SLC25A16: variants seen among roughly 807,000 people sequenced by gnomAD.
SLC25A16 encodes the protein solute carrier family 25 member 16, also known as mitochondrial coenzyme A transporter SLC25A16.
SLC25A16 carries 39 observed loss-of-function variants against 41.5 expected under a neutral mutation model. The ratio of observed to expected loss-of-function variants is 0.94; its 90% CI spans 0.73 to 1.23. The LOEUF is 1.23. Ranked by LOEUF, SLC25A16 falls within the 50% of genes most tolerant of loss-of-function variation. The pLI, the probability that SLC25A16 is intolerant of heterozygous loss-of-function variation, is 0.00. For missense variants in SLC25A16, 421 were observed against 426.9 expected, an observed-to-expected ratio of 0.99 and a Z score of 0.12; for synonymous variants, 146 against 147.8, an observed-to-expected ratio of 0.99 and a Z score of 0.09.
intron 3 of SLC25A16, among the ~76,000 whole-genome samples, chr10:68,504,356 GA>G (rs1165892947): frequency 6.6e-6 from 1 of 151,078 alleles, no homozygotes; most frequent in Middle Eastern, 3.2e-3. Context: ...TATAGACAAT[GA>G]AGTCCTGATA....
chr10:68,520,586 C>G (rs1246875060), intron 1 of SLC25A16, among the ~76,000 whole-genome samples: 1 of 151,926 alleles, frequency 6.6e-6, no homozygotes, highest in Non-Finnish European at 1.5e-5. Flanking sequence ...CCGAGGCAGG[C>G]AGATCACCTG....
chr10:68,524,317 A>AC (rs1348161651), intron 1 of SLC25A16, among the ~76,000 whole-genome samples: 4 of 141,416 alleles, frequency 2.8e-5, no homozygotes, highest in African/African-American at 7.9e-5. Flanking sequence ...TCTCAAAAAA[A>AC]AAAAAAAAAA....
chr10:68,497,882 C>T (rs2052776912), intron 4 of SLC25A16, among the ~76,000 whole-genome samples: 1 of 151,864 alleles, frequency 6.6e-6, no homozygotes, highest in Non-Finnish European at 1.5e-5. Context: ...TCCCAAAATG[C>T]TAGGATTACC....
In SLC25A16 at chr10:68,480,854, G is replaced by A. The variant is rs148393530; in HGVS notation, c.*2578C>T. The A allele has an allele frequency of 1.5e-4, 23 of 151,030 alleles. No individual in the cohort carries two copies. Among genetic ancestry groups the A allele is most frequent in the African/African-American group, 5.6e-4 (23 of 41,130 alleles). The allele number at this position is 151,030 out of a possible 1,614,324, so 9.4% of individuals were successfully genotyped here. ...CATTTAATAACAATAATTAGCTACA[G>A]TGTGGTCTAGAAATGAAAATATACA... On this transcript the variant is annotated 3_prime_UTR_variant, in exon 9 of 9. Coordinates refer to ENST00000609923, the MANE Select transcript of SLC25A16 (RefSeq NM_152707.4).
In SLC25A16 at chr10:68,506,629, G is replaced by A; in HGVS notation, c.313C>T (p.Pro105Ser). 6.2e-7 allele frequency: 1 copy of A among 1,604,736 alleles called. No homozygotes were observed. Among genetic ancestry groups the A allele is most frequent in the South Asian group, 1.1e-5 (1 of 89,370 alleles). Residue 105 changes from proline to serine, a missense_variant, in exon 3 of 9, where the codon CCC becomes TCC. Physicochemically the swap from Pro to Ser is moderately conservative, Grantham distance 74. Coordinates refer to ENST00000609923, the MANE Select transcript of SLC25A16 (RefSeq NM_152707.4). ...GCCATAAACTGGATTGCACCATAGGGAAAGATTCGAATCATCATTGCACCA... is the reference window on the plus strand; with the variant it reads ...GCCATAAACTGGATTGCACCATAGGAAAAGATTCGAATCATCATTGCACCA... Reference protein sequence around the residue: ...GNGAMMIRIFPYGAIQFMAFE... With the variant: ...GNGAMMIRIFSYGAIQFMAFE...
Position 68,525,430 on chromosome 10 carries a change from C to T in SLC25A16, c.130+1816G>A, listed in dbSNP as rs529692804. Among the ~76,000 whole-genome samples the T allele has an allele frequency of 1.2e-3, 182 of 152,226 alleles. 1 individual carries two copies. Among genetic ancestry groups the T allele is most frequent in the Admixed American group, 6.2e-3 (94 of 15,274 alleles). ...GGATTACAGGCGTGAGCCACCCTGC[C>T]CAGCGAATTTTTATTGTTTGTTTTT... is the stretch of plus-strand genomic sequence containing the variant. On this transcript the variant is annotated intron_variant, in intron 1 of 8. Transcript: ENST00000609923.
chr10:68,481,563 G>C lies in SLC25A16; in HGVS notation c.*1869C>G, dbSNP rs1256076478. On this transcript the variant is annotated 3_prime_UTR_variant, in exon 9 of 9. Coordinates refer to ENST00000609923, the MANE Select transcript of SLC25A16 (RefSeq NM_152707.4). ...TATCCTCCCGCCTCAGCCTCCCAAA[G>C]TGCTAGGGTTACAGGCAAGAGCCAC... The C allele has an allele frequency of 2.0e-5, 3 of 152,094 alleles. No homozygotes were observed. The highest frequency in any genetic ancestry group is 4.4e-5 in the Non-Finnish European group (3 of 68,060). The allele number at this position is 152,094 out of a possible 1,614,324, so 9.4% of individuals were successfully genotyped here.
In SLC25A16 at chr10:68,527,284, C is replaced by G. The variant is rs771745123; in HGVS notation, c.92G>C (p.Arg31Pro). 2 of 1,548,234 alleles carry G rather than the reference C, an allele frequency of 1.3e-6. No homozygotes were observed. The highest frequency in any genetic ancestry group is 2.4e-5 in the South Asian group (2 of 84,052). ...QAAGAGGPTT[R>P]RDFYWLRSFL... Reference sequence around the variant, plus strand: ...GGAGCGCAGCCAGTAGAAGTCTCTGCGGGTTGTGGGCCCTCCGGCCCCTGC... The same window carrying G: ...GGAGCGCAGCCAGTAGAAGTCTCTGGGGGTTGTGGGCCCTCCGGCCCCTGC... The change falls in exon 1 of 9, where the codon CGC becomes CCC. Residue 31 changes from arginine (R) to proline (P), a missense_variant. Transcript: ENST00000609923.
chr10:68,523,376 AACCAGTGC>A (rs1293951890), intron 1 of SLC25A16, among the ~76,000 whole-genome samples: 2 of 152,166 alleles, frequency 1.3e-5, no homozygotes, highest in Non-Finnish European at 2.9e-5. Context: ...TAGAGGCCTG[AACCAGTGC>A]ACCCGGCCAT....
intron 8 of SLC25A16, among the ~76,000 whole-genome samples, chr10:68,486,240 A>AAAAAAAAAAAAAAAC (rs1564908736): frequency 8.2e-5 from 12 of 146,728 alleles, no homozygotes; most frequent in African/African-American, 3.2e-4. Flanking sequence ...ACAAAAAAAA[A>AAAAAAAAAAAAAAAC]AAAAAAACAC....
chr10:68,490,119 A>AAAG, intron 6 of SLC25A16, among the ~76,000 whole-genome samples: 1 of 151,998 alleles, frequency 6.6e-6, no homozygotes, highest in Non-Finnish European at 1.5e-5. Context: ...TAAAGGAGGT[A>AAAG]GATGCAGTGT....
intron 2 of SLC25A16, among the ~76,000 whole-genome samples, chr10:68,513,534 G>A (rs1482579124): frequency 6.6e-6 from 1 of 151,922 alleles, no homozygotes; most frequent in Non-Finnish European, 1.5e-5. Flanking sequence ...AAATGCAGTT[G>A]GAAAAATAAC....
Position 68,488,714 on chromosome 10 carries a change from T to G in SLC25A16, c.611-85A>C. ...CACCATTCTTAAATAATAAACACAT[T>G]TCCTAATTTCTGGTGTTTGGCTTAA... On this transcript the variant is annotated intron_variant, in intron 6 of 8. Coordinates refer to ENST00000609923, the MANE Select transcript of SLC25A16 (RefSeq NM_152707.4). 7.3e-6 allele frequency: 8 copies of G among 1,089,780 alleles called. No homozygotes were observed. In the South Asian group the frequency reaches 1.2e-4, roughly 16 times the overall value. The allele number at this position is 1,089,780 out of a possible 1,614,324, so 67.5% of individuals were successfully genotyped here. A position where few individuals can be genotyped will look rare whatever the true frequency, so the allele number is the denominator to read the frequency against.
At chr10:68,495,627 C>T (rs547620047) in intron 4 of SLC25A16, among the ~76,000 whole-genome samples, 1 of 151,126 alleles carries the variant, frequency 6.6e-6, no homozygotes, top group Non-Finnish European at 1.5e-5. Context: ...CTACTAAAAA[C>T]ACAAAAATTA....
At chr10:68,523,770 T>A (rs1356594213) in intron 1 of SLC25A16, among the ~76,000 whole-genome samples, 1 of 152,020 alleles carries the variant, frequency 6.6e-6, no homozygotes, top group African/African-American at 2.4e-5. Context: ...ACACCTCACC[T>A]AGCCTAAATG....
rs1335471823 is a variant in SLC25A16 at position 68,493,622 on chromosome 10, A to G, written c.422-52T>C. 3 of 1,362,120 alleles carry G rather than the reference A, an allele frequency of 2.2e-6. No homozygotes were observed. The South Asian group carries it at 3.5e-5, about 16-fold the overall frequency. 84.4% of individuals were successfully genotyped at this position (1,362,120 alleles called of 1,614,324 possible). ...TACAATGAATTTTTGATATATACAT[A>G]TATTCCCCTATCATTAGTATTATTC... On this transcript the variant is annotated intron_variant, in intron 4 of 8. Coordinates refer to ENST00000609923, the MANE Select transcript of SLC25A16 (RefSeq NM_152707.4).
At chr10:68,520,534 A>G (rs1451415874) in intron 1 of SLC25A16, among the ~76,000 whole-genome samples, 1 of 151,928 alleles carries the variant, frequency 6.6e-6, no homozygotes, top group Non-Finnish European at 1.5e-5. Flanking sequence ...AAATTAGGCC[A>G]GGCGCAGTGG....
chr10:68,507,434 ATG>A (rs2052977120), intron 2 of SLC25A16, among the ~76,000 whole-genome samples: 1 of 152,080 alleles, frequency 6.6e-6, no homozygotes, highest in Admixed American at 6.6e-5. Context: ...ACCCAGATAC[ATG>A]TGTTTTGTTT....
intron 4 of SLC25A16, among the ~76,000 whole-genome samples, chr10:68,501,961 G>A (rs1009121342): frequency 1.3e-5 from 2 of 152,118 alleles, no homozygotes; most frequent in African/African-American, 4.8e-5. Flanking sequence ...ATTTTGGGAG[G>A]CCAAGGCGGG....
Sources: allele counts gnomAD v4.1 joint callset (sites outside exome capture counted in the v4.1 genomes callset), GRCh38; gene constraint gnomAD v4.1.1; transcripts MANE v1.5; gene names NCBI Gene and HGNC (gene_info 2026-07-23, HGNC 2026-07-21).